The following LSAMP variants were observed in gnomAD, a reference collection of about 807,000 sequenced individuals.
LSAMP encodes limbic system-associated membrane protein.
Under a neutral mutation model 38.6 loss-of-function variants are expected in LSAMP, and 7 were observed. The ratio of observed to expected loss-of-function variants is 0.18; its 90% CI spans 0.10 to 0.34. LSAMP has a LOEUF of 0.34. LSAMP is among the 10% of genes least tolerant of loss of function. The probability of loss-of-function intolerance (pLI) is 1.00; values close to 1 mark genes in which losing one functional copy is unlikely to be tolerated. For synonymous variants in LSAMP, 154 were observed against 166.8 expected (o/e 0.92, Z 0.59); for missense variants, 313 against 420.0 (o/e 0.75, Z 2.23).
chr3:115,874,874 T>C (rs1936140973), intron 3 of LSAMP, among the ~76,000 whole-genome samples: 1 of 151,678 alleles, frequency 6.6e-6, no homozygotes, highest in Non-Finnish European at 1.5e-5. Context: ...TATTTTCTTC[T>C]CAAATGAGGA....
At chr3:116,254,902 G>A (rs1040479825) in intron 1 of LSAMP, among the ~76,000 whole-genome samples, 4 of 152,104 alleles carry the variant, frequency 2.6e-5, no homozygotes, top group African/African-American at 9.7e-5. Context: ...TATATCCTCG[G>A]AATTGATTTC....
At chr3:115,932,660 G>T (rs1481445085) in intron 3 of LSAMP, among the ~76,000 whole-genome samples, 1 of 152,132 alleles carries the variant, frequency 6.6e-6, no homozygotes, top group Non-Finnish European at 1.5e-5. Context: ...TTTGAAGGAA[G>T]AATTATAACC....
chr3:116,433,137 C>T (rs1016601036), intron 1 of LSAMP, among the ~76,000 whole-genome samples: 1 of 152,086 alleles, frequency 6.6e-6, no homozygotes, highest in African/African-American at 2.4e-5. Context: ...ACAAAACAAT[C>T]AGAAGTCAGG....
chr3:116,219,696 G>A (rs928382965), intron 1 of LSAMP, among the ~76,000 whole-genome samples: 7 of 152,006 alleles, frequency 4.6e-5, no homozygotes, highest in Non-Finnish European at 7.4e-5. Flanking sequence ...TGGATTGGAA[G>A]AAAATATTTG....
chr3:116,203,539 T>C, intron 1 of LSAMP, among the ~76,000 whole-genome samples: 1 of 131,586 alleles, frequency 7.6e-6, no homozygotes. Context: ...CCCAATGCTA[T>C]CCCTCCCCCC....
intron 1 of LSAMP, among the ~76,000 whole-genome samples, chr3:116,209,288 C>T (rs145835548): frequency 3.3e-4 from 51 of 152,246 alleles, no homozygotes; most frequent in East Asian, 1.6e-3. Flanking sequence ...CACTGACCTG[C>T]GCCCACTGTC....
chr3:115,986,690 GA>G (rs889886836), intron 3 of LSAMP, among the ~76,000 whole-genome samples: 3 of 148,470 alleles, frequency 2.0e-5, no homozygotes, highest in Admixed American at 6.7e-5. Flanking sequence ...GGAGCCACTG[GA>G]AAAAAAAAGA....
intron 2 of LSAMP, among the ~76,000 whole-genome samples, chr3:116,081,000 G>A (rs1707859050): frequency 6.6e-6 from 1 of 152,166 alleles, no homozygotes; most frequent in Non-Finnish European, 1.5e-5. Context: ...AAGGAAGAAA[G>A]AAGAAAGTAA....
intron 3 of LSAMP, among the ~76,000 whole-genome samples, chr3:115,947,148 A>G (rs1301662051): frequency 1.3e-5 from 2 of 152,198 alleles, no homozygotes; most frequent in Non-Finnish European, 2.9e-5. Flanking sequence ...AGGAATTTCC[A>G]CAATCTGATA....
intron 3 of LSAMP, among the ~76,000 whole-genome samples, chr3:115,954,263 T>G (rs1938384599): frequency 6.6e-6 from 1 of 152,232 alleles, no homozygotes; most frequent in Non-Finnish European, 1.5e-5. Flanking sequence ...GGGAGCACAG[T>G]TTTACTGTGG....
At chr3:116,403,101 T>C (rs7637573) in intron 1 of LSAMP, among the ~76,000 whole-genome samples, 46,009 of 152,078 alleles carry the variant, frequency 0.3, 9,479 homozygotes, top group African/African-American at 0.59. Flanking sequence ...AATCAGTCTT[T>C]CCGAACTTGT....
intron 1 of LSAMP, among the ~76,000 whole-genome samples, chr3:116,271,092 G>T (rs895395056): frequency 6.6e-6 from 1 of 152,028 alleles, no homozygotes; most frequent in Admixed American, 6.6e-5. Context: ...TGTTGCCATG[G>T]TTCCACTCTA....
chr3:116,254,647 C>A (rs1199540753), intron 1 of LSAMP, among the ~76,000 whole-genome samples: 1 of 152,160 alleles, frequency 6.6e-6, no homozygotes, highest in African/African-American at 2.4e-5. Context: ...CCCCTAACAT[C>A]ATCAGAACTG....
At chr3:115,967,640 G>T (rs1178445547) in intron 3 of LSAMP, among the ~76,000 whole-genome samples, 1 of 152,156 alleles carries the variant, frequency 6.6e-6, no homozygotes, top group South Asian at 2.1e-4. Context: ...AGGTTTAATG[G>T]ATTTATATTT....
chr3:116,238,852 CT>C (rs5852001), intron 1 of LSAMP, among the ~76,000 whole-genome samples: 13 of 150,004 alleles, frequency 8.7e-5, no homozygotes, highest in Middle Eastern at 3.4e-3. Flanking sequence ...ACATGGTTAT[CT>C]TTTTTTTTTA....
intron 3 of LSAMP, among the ~76,000 whole-genome samples, chr3:115,909,385 C>T (rs1937085428): frequency 6.6e-6 from 1 of 152,176 alleles, no homozygotes; most frequent in Non-Finnish European, 1.5e-5. Flanking sequence ...AGTATAAGAA[C>T]CAGTTGGAAG....
intron 3 of LSAMP, among the ~76,000 whole-genome samples, chr3:115,949,574 G>A (rs971132178): frequency 4.6e-5 from 7 of 151,830 alleles, no homozygotes; most frequent in Non-Finnish European, 8.8e-5. Flanking sequence ...TAGTGAGACT[G>A]AAACACTAAT....
intron 1 of LSAMP, among the ~76,000 whole-genome samples, chr3:116,398,694 T>C (rs1341899151): frequency 2.0e-5 from 3 of 152,172 alleles, no homozygotes; most frequent in Non-Finnish European, 4.4e-5. Flanking sequence ...GTCTGTAATT[T>C]AGAAAATAAG....
chr3:116,282,822 G>A (rs1466934021), intron 1 of LSAMP, among the ~76,000 whole-genome samples: 2 of 151,362 alleles, frequency 1.3e-5, no homozygotes, highest in Non-Finnish European at 2.9e-5. Context: ...GACCTAAACA[G>A]AAGCTGATGT....
Sources: allele counts gnomAD v4.1 joint callset (sites outside exome capture counted in the v4.1 genomes callset), GRCh38; gene constraint gnomAD v4.1.1; transcripts MANE v1.5; gene names NCBI Gene and HGNC (gene_info 2026-07-23, HGNC 2026-07-21).